The following TBL1XR1 variants were observed in gnomAD, a reference collection of about 807,000 sequenced individuals.
TBL1XR1 encodes F-box-like/WD repeat-containing protein TBL1XR1.
A neutral mutation model predicts 66.9 loss-of-function variants in TBL1XR1; 5 were observed. The ratio of observed to expected loss-of-function variants is 0.07; its 90% confidence interval spans 0.04 to 0.16. The LOEUF (loss-of-function observed/expected upper bound fraction) is 0.16. Among genes scored for constraint, TBL1XR1 ranks in the 10% least tolerant of loss-of-function variants. The pLI is 1.00. For missense variants in TBL1XR1, 238 were observed against 623.2 expected (o/e 0.38, Z 6.58); for synonymous variants, 210 against 206.0 (o/e 1.02, Z -0.17).
At chr3:177,111,591 C>A (rs1033482193) in intron 1 of TBL1XR1, among the ~76,000 whole-genome samples, 6 of 152,138 alleles carry the variant, frequency 3.9e-5, no homozygotes, top group African/African-American at 1.4e-4. Context: ...TCAGCCACTG[C>A]GCCAGGCCCA....
chr3:177,090,792 A>C (rs1399573655), intron 2 of TBL1XR1, among the ~76,000 whole-genome samples: 1 of 152,152 alleles, frequency 6.6e-6, no homozygotes, highest in Non-Finnish European at 1.5e-5. Flanking sequence ...GCTGGGCGAC[A>C]GAGCGAGACT....
At chr3:177,106,508 G>A (rs1006424720) in intron 1 of TBL1XR1, among the ~76,000 whole-genome samples, 5 of 152,084 alleles carry the variant, frequency 3.3e-5, no homozygotes, top group African/African-American at 4.8e-5. Context: ...ACGTGGTATC[G>A]GAGGTTAAGA....
chr3:177,187,943 CTTTTTTTTTTTTT>C (rs571361204), intron 1 of TBL1XR1, among the ~76,000 whole-genome samples: 5 of 77,838 alleles, frequency 6.4e-5, no homozygotes, highest in South Asian at 1.0e-3. Context: ...GTACAATTTC[CTTTTTTTTTTTTT>C]TTTTTTTTTT....
intron 1 of TBL1XR1, among the ~76,000 whole-genome samples, chr3:177,113,933 A>C (rs1262354314): frequency 6.6e-6 from 1 of 152,144 alleles, no homozygotes; most frequent in East Asian, 1.9e-4. Context: ...AAATAATATG[A>C]AGGTTTCTAA....
chr3:177,164,232 T>C (rs1455046939), intron 1 of TBL1XR1, among the ~76,000 whole-genome samples: 1 of 152,220 alleles, frequency 6.6e-6, no homozygotes, highest in Non-Finnish European at 1.5e-5. Context: ...AAACTGTTCA[T>C]GTTTACAACT....
intron 1 of TBL1XR1, among the ~76,000 whole-genome samples, chr3:177,104,102 C>T (rs555400742): frequency 3.7e-5 from 5 of 133,926 alleles, no homozygotes; most frequent in South Asian, 4.8e-4. Flanking sequence ...GGTGACAGAG[C>T]GAGACTCGGT....
At chr3:177,132,940 A>G (rs750214820) in intron 1 of TBL1XR1, among the ~76,000 whole-genome samples, 1 of 152,086 alleles carries the variant, frequency 6.6e-6, no homozygotes, top group East Asian at 1.9e-4. Flanking sequence ...TACATATACT[A>G]CCCTCCAGAA....
At chr3:177,161,537 C>T (rs181555003) in intron 1 of TBL1XR1, among the ~76,000 whole-genome samples, 45 of 152,264 alleles carry the variant, frequency 3.0e-4, no homozygotes, top group African/African-American at 8.9e-4. Context: ...AATCCTAGCA[C>T]TTTGGGAGGC....
At chr3:177,187,730 CAAT>C (rs1485950594) in intron 1 of TBL1XR1, among the ~76,000 whole-genome samples, 4 of 151,266 alleles carry the variant, frequency 2.6e-5, no homozygotes, top group African/African-American at 9.8e-5. Flanking sequence ...GAAAAAGACA[CAAT>C]GAGAAGAAAA....
At chr3:177,200,011 C>T (rs768274099), upstream of TBL1XR1, among the ~76,000 whole-genome samples, 7 of 151,742 alleles carry the variant, frequency 4.6e-5, no homozygotes, top group South Asian at 2.1e-4. Flanking sequence ...TCGCTCTTGT[C>T]GCCCAGGCTA....
intron 1 of TBL1XR1, among the ~76,000 whole-genome samples, chr3:177,183,020 G>A (rs929546658): frequency 6.6e-6 from 1 of 151,900 alleles, no homozygotes; most frequent in Non-Finnish European, 1.5e-5. Context: ...CTTATCATTT[G>A]TATCTTACTT....
At chr3:177,117,646 T>A (rs1726462936) in intron 1 of TBL1XR1, among the ~76,000 whole-genome samples, 1 of 152,312 alleles carries the variant, frequency 6.6e-6, no homozygotes, top group East Asian at 1.9e-4. Context: ...TCTTTTCTAG[T>A]GCAGTAATGA....
intron 1 of TBL1XR1, among the ~76,000 whole-genome samples, chr3:177,123,039 G>T (rs1435469561): frequency 2.0e-5 from 3 of 152,000 alleles, no homozygotes; most frequent in South Asian, 2.1e-4. Context: ...CATGTGTCTT[G>T]TATCTTTTAA....
intron 2 of TBL1XR1, among the ~76,000 whole-genome samples, chr3:177,096,335 TACAC>T (rs6148210): frequency 6.0e-5 from 9 of 150,204 alleles, no homozygotes; most frequent in Non-Finnish European, 8.9e-5. Flanking sequence ...CATACATACA[TACAC>T]ACACACACAC....
At chr3:177,129,247 C>A (rs1408032395) in intron 1 of TBL1XR1, among the ~76,000 whole-genome samples, 1 of 152,142 alleles carries the variant, frequency 6.6e-6, no homozygotes, top group Non-Finnish European at 1.5e-5. Flanking sequence ...AAAACAATTA[C>A]AACTCATATC....
chr3:177,200,351 G>A (rs570439423), upstream of TBL1XR1, among the ~76,000 whole-genome samples: 9 of 152,316 alleles, frequency 5.9e-5, no homozygotes, highest in East Asian at 1.3e-3. Context: ...AGCAAAGGGG[G>A]TTTTAAATCA....
intron 12 of TBL1XR1, among the ~76,000 whole-genome samples, chr3:177,035,815 G>C (rs1000440596): frequency 1.3e-5 from 2 of 152,148 alleles, no homozygotes; most frequent in African/African-American, 4.8e-5. Flanking sequence ...AGCTGAGGGT[G>C]TCCGAGCCAT....
At chr3:177,059,332 C>G (rs958626650) in intron 3 of TBL1XR1, among the ~76,000 whole-genome samples, 1 of 152,034 alleles carries the variant, frequency 6.6e-6, no homozygotes, top group African/African-American at 2.4e-5. Context: ...CATTACAGAC[C>G]TAATGTGAAA....
At chr3:177,026,514 A>AT (rs1178118568) in intron 14 of TBL1XR1, 40 bp from the exon 15 acceptor site, 1 of 1,391,886 alleles carries the variant, frequency 7.2e-7, no homozygotes, top group Non-Finnish European at 9.7e-7. Flanking sequence ...ATCGTAATAC[A>AT]TATTATAATA....
Sources: gnomAD v4.1 joint callset for allele counts (sites outside exome capture counted in the v4.1 genomes callset) on GRCh38, gnomAD v4.1.1 for gene constraint, MANE v1.5 for transcripts, NCBI Gene and HGNC (gene_info 2026-07-23, HGNC 2026-07-21) for gene names.